Variants in SDHAF3 observed in about 807,000 individuals in gnomAD.
SDHAF3 encodes succinate dehydrogenase assembly factor 3, mitochondrial.
In SDHAF3, 18 loss-of-function variants were observed where a neutral mutation model predicts 11.5. The ratio of observed to expected loss-of-function variants is 1.56; its 90% CI spans 1.08 to 2.32. The LOEUF (loss-of-function observed/expected upper bound fraction) is 2.32, where lower values mean the gene tolerates loss of function less well. Ranked by LOEUF, SDHAF3 falls within the 30% of genes most tolerant of loss-of-function variation. The pLI, the probability that SDHAF3 is intolerant of heterozygous loss-of-function variation, is 0.00. For synonymous variants in SDHAF3, 72 were observed against 59.3 expected (o/e 1.21, Z -0.99); for missense variants, 200 against 154.4 (o/e 1.30, Z -1.57).
rs376347061 is a variant in SDHAF3, at chr7:97,134,161, C to T, written c.174+16264C>T. ...AAACACGTTACTGCAAAAACAGCTA[C>T]AGCAGCTACCTGGGTGAGATGGCTG... On this transcript the variant is annotated intron_variant, in intron 1 of 1. Coordinates refer to ENST00000432641, the MANE Select transcript of SDHAF3 (RefSeq NM_020186.3). 7.2e-5 allele frequency among the ~76,000 whole-genome samples: 11 copies of T among 152,346 alleles called. No homozygotes were observed. The East Asian group carries it at 2.1e-3, about 29-fold the overall frequency.
intron 1 of SDHAF3, among the ~76,000 whole-genome samples, chr7:97,133,533 GAATGCATATTGT>G (rs1791700747): frequency 6.6e-6 from 1 of 152,092 alleles, no homozygotes; most frequent in South Asian, 2.1e-4. Context: ...GAACAGTACT[GAATGCATATTGT>G]AAGTTTGCCC....
intron 1 of SDHAF3, among the ~76,000 whole-genome samples, chr7:97,123,413 G>A (rs1456015606): frequency 6.6e-6 from 1 of 152,094 alleles, no homozygotes; most frequent in African/African-American, 2.4e-5. Context: ...TATTTGGGTT[G>A]GTTCCAAGTC....
At chr7:97,136,465 T>C in intron 1 of SDHAF3, 1 of 652,066 alleles carries the variant, frequency 1.5e-6, no homozygotes, top group Non-Finnish European at 2.8e-6. Context: ...TTTGGTACTT[T>C]CAGTAAGTAA....
At chr7:97,121,678 A>G (rs1562818669) in intron 1 of SDHAF3, among the ~76,000 whole-genome samples, 1 of 152,056 alleles carries the variant, frequency 6.6e-6, no homozygotes, top group Admixed American at 6.6e-5. Flanking sequence ...AAGAGTGTCT[A>G]TTAAATGCTG....
intron 1 of SDHAF3, chr7:97,135,117 T>C (rs1791731701): frequency 6.6e-6 from 1 of 152,116 alleles, no homozygotes; most frequent in Non-Finnish European, 1.5e-5. Flanking sequence ...CACTGTCAAA[T>C]TTTCCTGAAG....
chr7:97,139,767 T>C (rs943379169), intron 1 of SDHAF3, among the ~76,000 whole-genome samples: 1 of 152,264 alleles, frequency 6.6e-6, no homozygotes, highest in Non-Finnish European at 1.5e-5. Flanking sequence ...GTAATTTTGT[T>C]ATTCTTAATT....
intron 1 of SDHAF3, among the ~76,000 whole-genome samples, chr7:97,125,557 G>A (rs1175964256): frequency 1.3e-5 from 2 of 151,890 alleles, no homozygotes; most frequent in East Asian, 3.9e-4. Flanking sequence ...CTCTAATATT[G>A]TCTCCATGCC....
chr7:97,120,007 C>T (rs1383793337), intron 1 of SDHAF3, among the ~76,000 whole-genome samples: 5 of 152,166 alleles, frequency 3.3e-5, no homozygotes, highest in Non-Finnish European at 5.9e-5. Context: ...GGTGTCTCTA[C>T]TGTAAACTTA....
intron 1 of SDHAF3, among the ~76,000 whole-genome samples, chr7:97,159,942 A>G (rs1479181316): frequency 6.6e-6 from 1 of 152,196 alleles, no homozygotes; most frequent in African/African-American, 2.4e-5. Context: ...ATCTGATTCT[A>G]TGATTTTTGT....
intron 1 of SDHAF3, among the ~76,000 whole-genome samples, chr7:97,126,296 A>G (rs1466117673): frequency 2.0e-5 from 3 of 152,220 alleles, no homozygotes; most frequent in African/African-American, 7.2e-5. Context: ...CAGTTGAGGA[A>G]GCAGTCTGTC....
intron 1 of SDHAF3, among the ~76,000 whole-genome samples, chr7:97,168,560 T>C (rs892359260): frequency 6.6e-6 from 1 of 152,226 alleles, no homozygotes; most frequent in Non-Finnish European, 1.5e-5. Flanking sequence ...GTCTCAGTTA[T>C]AATTTTGCAA....
chr7:97,164,218 C>T (rs1350602499), intron 1 of SDHAF3, among the ~76,000 whole-genome samples: 2 of 151,650 alleles, frequency 1.3e-5, no homozygotes, highest in Non-Finnish European at 2.9e-5. Context: ...AGGCACAAGC[C>T]ACCGCGCCTG....
chr7:97,157,706 T>C lies in SDHAF3; in HGVS notation c.175-23306T>C, dbSNP rs530960648. ...GGCACTATTCACAATAGCAAAGACT[T>C]GGAACCAACCCAAATGTCCAACAAT... On this transcript the variant is annotated intron_variant, in intron 1 of 1. Coordinates refer to ENST00000432641, the MANE Select transcript of SDHAF3 (RefSeq NM_020186.3). 1.1e-3 allele frequency among the ~76,000 whole-genome samples: 172 copies of C among 152,162 alleles called. 1 individual carries two copies. Among genetic ancestry groups the C allele is most frequent in the Admixed American group, 2.0e-3 (31 of 15,292 alleles).
chr7:97,162,795 G>A lies in SDHAF3; in HGVS notation c.175-18217G>A, dbSNP rs184710773. ...TCCATTCTTTTGCATTTACTGAGGA[G>A]TGTTTTACTTCCAATTATGTGGTCA... On this transcript the variant is annotated intron_variant, in intron 1 of 1. Coordinates refer to ENST00000432641, the MANE Select transcript of SDHAF3 (RefSeq NM_020186.3). Among the ~76,000 whole-genome samples, 109 of 152,282 alleles carry A rather than the reference G, an allele frequency of 7.2e-4. 1 individual carries two copies. In the East Asian group the frequency reaches 0.018, roughly 25 times the overall value.
At chr7:97,131,302 T>G (rs540200654) in intron 1 of SDHAF3, among the ~76,000 whole-genome samples, 2 of 152,250 alleles carry the variant, frequency 1.3e-5, no homozygotes, top group Non-Finnish European at 2.9e-5. Flanking sequence ...TCTTTTTATC[T>G]TCTACACTTC....
At chr7:97,153,783 G>A (rs921248027) in intron 1 of SDHAF3, among the ~76,000 whole-genome samples, 1 of 151,424 alleles carries the variant, frequency 6.6e-6, no homozygotes, top group African/African-American at 2.4e-5. Flanking sequence ...TTTAGTGACC[G>A]TTTTACATTT....
intron 1 of SDHAF3, among the ~76,000 whole-genome samples, chr7:97,167,415 T>C (rs1789525387): frequency 6.6e-6 from 1 of 152,184 alleles, no homozygotes; most frequent in Admixed American, 6.5e-5. Flanking sequence ...AGAAACCTCT[T>C]TTCTTCAAAA....
intron 1 of SDHAF3, among the ~76,000 whole-genome samples, chr7:97,122,592 A>G (rs1044322748): frequency 3.3e-5 from 5 of 152,120 alleles, no homozygotes; most frequent in African/African-American, 9.7e-5. Context: ...CAGAATGGAT[A>G]ACTCTCAGGT....
chr7:97,157,525 T>C (rs972216024), intron 1 of SDHAF3, among the ~76,000 whole-genome samples: 3 of 152,188 alleles, frequency 2.0e-5, no homozygotes, highest in Non-Finnish European at 4.4e-5. Flanking sequence ...GGTGGGACTG[T>C]AAACTAGTTC....
Sources: gnomAD v4.1 joint callset for allele counts (sites outside exome capture counted in the v4.1 genomes callset) on GRCh38, gnomAD v4.1.1 for gene constraint, MANE v1.5 for transcripts, NCBI Gene and HGNC (gene_info 2026-07-23, HGNC 2026-07-21) for gene names.